STK10: variants seen among roughly 807,000 people sequenced by gnomAD.
The protein encoded by STK10 is serine/threonine kinase 10.
Under a neutral mutation model 113.8 loss-of-function variants are expected in STK10, and 78 were observed. That is an observed-to-expected ratio of 0.69 (90% CI 0.57 to 0.83). STK10 has a LOEUF of 0.83. STK10 is among the 40% of genes least tolerant of loss of function. STK10 has a pLI of 0.00. For missense variants in STK10, 1,109 were observed against 1,280.1 expected (o/e 0.87, Z 2.04); for synonymous variants, 465 against 494.7 (o/e 0.94, Z 0.80).
intron 12 of STK10, among the ~76,000 whole-genome samples, chr5:172,078,456 C>G (rs2113725258): frequency 6.6e-6 from 1 of 151,852 alleles, no homozygotes; most frequent in South Asian, 2.1e-4. Flanking sequence ...GAATTCAAGA[C>G]CAGCCTGGGC....
chr5:172,151,258 G>C (rs889758983), intron 2 of STK10, among the ~76,000 whole-genome samples: 5 of 152,198 alleles, frequency 3.3e-5, no homozygotes, highest in African/African-American at 1.2e-4. Context: ...AATTGGCTCT[G>C]GTCTCACAGT....
chr5:172,153,069 C>T (rs554071938), intron 2 of STK10, among the ~76,000 whole-genome samples: 124 of 152,102 alleles, frequency 8.2e-4, no homozygotes, highest in African/African-American at 3.0e-3. Context: ...GGCAGATCAC[C>T]TGAGGTCGGG....
intron 4 of STK10, among the ~76,000 whole-genome samples, chr5:172,112,581 C>T (rs1011809331): frequency 6.2e-5 from 9 of 146,312 alleles, no homozygotes; most frequent in South Asian, 2.1e-4. Flanking sequence ...CCACCATGCC[C>T]GGCTAATTTT....
Position 172,188,063 on chromosome 5 carries a change from C to A in STK10, c.-21G>T. ...GCCATGGCCGGGGGCGCGGTGGCGC[C>A]GGCTCGGGCTCGGGCTCGGGCTCGG... On this transcript the variant is annotated 5_prime_UTR_variant, in exon 1 of 19. Coordinates refer to ENST00000176763, the MANE Select transcript of STK10 (RefSeq NM_005990.4). This position sits in a 1 kb window ranked among gnomAD's most constrained non-coding sequence, Gnocchi z 5.6. 6.2e-7 allele frequency: 1 copy of A among 1,607,922 alleles called. No homozygotes were observed. Among genetic ancestry groups the A allele is most frequent in the Non-Finnish European group, 8.5e-7 (1 of 1,177,328 alleles).
At chr5:172,049,681 T>C (rs1417419321) in intron 18 of STK10, among the ~76,000 whole-genome samples, 1 of 152,220 alleles carries the variant, frequency 6.6e-6, no homozygotes, top group East Asian at 1.9e-4. Context: ...ATTGTTTTGA[T>C]ATTGGTGCTA....
chr5:172,082,612 T>C lies in STK10; in HGVS notation c.1810-107A>G, dbSNP rs1768458752. ...TCAGAGCTTGTGATCAGACCTAAGC[T>C]TGAATCCCAGCTCTACTACCCCGTT... On this transcript the variant is annotated intron_variant, in intron 11 of 18. Coordinates refer to ENST00000176763, the MANE Select transcript of STK10 (RefSeq NM_005990.4). This position sits in a 1 kb window ranked among gnomAD's most constrained non-coding sequence, Gnocchi z 4.3. 7.3e-7 allele frequency: 1 copy of C among 1,379,238 alleles called. No individual in the cohort carries two copies. Among genetic ancestry groups the C allele is most frequent in the Admixed American group, 2.7e-5 (1 of 37,168 alleles). The allele number at this position is 1,379,238 out of a possible 1,614,324, so 85.4% of individuals were successfully genotyped here.
chr5:172,123,709 G>A (rs1769562852), intron 3 of STK10, among the ~76,000 whole-genome samples: 1 of 152,158 alleles, frequency 6.6e-6, no homozygotes, highest in Non-Finnish European at 1.5e-5. Context: ...GCCATGTGGA[G>A]CTTTTCTGAA....
intron 17 of STK10, 70 bp downstream of exon 17, chr5:172,054,499 C>A: frequency 1.3e-6 from 2 of 1,574,774 alleles, no homozygotes; most frequent in Non-Finnish European, 1.7e-6. Context: ...TTTCTGGCCC[C>A]CTGAGATCTG....
intron 1 of STK10, among the ~76,000 whole-genome samples, chr5:172,177,046 C>T (rs1031467633): frequency 5.9e-5 from 9 of 152,222 alleles, no homozygotes; most frequent in Middle Eastern, 3.4e-3. Flanking sequence ...TGGTGGTGCA[C>T]GCCTGTGATC....
chr5:172,112,494 C>T (rs1040769509), intron 4 of STK10, among the ~76,000 whole-genome samples: 2 of 147,088 alleles, frequency 1.4e-5, no homozygotes, highest in Admixed American at 7.0e-5. Context: ...GATCTTCGCT[C>T]ACTGCAAGCT....
intron 3 of STK10, 102 bp from the exon 4 acceptor site, chr5:172,117,732 A>T: frequency 6.6e-7 from 1 of 1,506,094 alleles, no homozygotes; most frequent in Non-Finnish European, 8.9e-7. Flanking sequence ...CACCAACATT[A>T]GGCCAGGCGT....
chr5:172,166,354 C>T (rs577911562), intron 1 of STK10, among the ~76,000 whole-genome samples: 4 of 152,298 alleles, frequency 2.6e-5, no homozygotes, highest in African/African-American at 9.6e-5. Context: ...CGATAAATTC[C>T]CTTTTGGATT....
intron 2 of STK10, among the ~76,000 whole-genome samples, chr5:172,136,898 C>T (rs905298931): frequency 2.0e-5 from 3 of 151,594 alleles, no homozygotes; most frequent in African/African-American, 4.9e-5. Flanking sequence ...CATAGGTATA[C>T]ACATGCCATG....
chr5:172,106,606 C>A lies in STK10; in HGVS notation c.788+14G>T. ...GCAGGCACCCCGGCAGGTGGCCCTG[C>A]CCCTGCCCCTCACCACTTAGAGGGC... On this transcript the variant is annotated intron_variant, in intron 6 of 18. Coordinates refer to ENST00000176763, the MANE Select transcript of STK10 (RefSeq NM_005990.4). 2 of 1,608,658 alleles carry A rather than the reference C, an allele frequency of 1.2e-6. No homozygotes were observed. Among genetic ancestry groups the A allele is most frequent in the Non-Finnish European group, 1.7e-6 (2 of 1,177,996 alleles).
chr5:172,177,353 T>A (rs1425815819), intron 1 of STK10, among the ~76,000 whole-genome samples: 2 of 152,220 alleles, frequency 1.3e-5, no homozygotes, highest in Non-Finnish European at 2.9e-5. Flanking sequence ...ATGTTTATTG[T>A]TTGCAAGCCA....
intron 1 of STK10, among the ~76,000 whole-genome samples, chr5:172,172,977 C>CA (rs908476999): frequency 2.3e-4 from 34 of 147,114 alleles, no homozygotes; most frequent in African/African-American, 7.3e-4. Context: ...AAGACTCTGT[C>CA]AAAAAAAAGA....
At chr5:172,100,184 T>A (rs577132309) in intron 7 of STK10, among the ~76,000 whole-genome samples, 1 of 152,300 alleles carries the variant, frequency 6.6e-6, no homozygotes, top group East Asian at 1.9e-4. Flanking sequence ...ATTAGAGAGA[T>A]AACGCCCTGG....
chr5:172,118,010 C>CAAAAAAA (rs57672334), intron 3 of STK10, among the ~76,000 whole-genome samples: 2 of 69,826 alleles, frequency 2.9e-5, no homozygotes, highest in African/African-American at 4.7e-5. Context: ...TACTCCATCT[C>CAAAAAAA]AAAAAAAAAA....
intron 1 of STK10, among the ~76,000 whole-genome samples, chr5:172,174,682 G>A (rs1434801500): frequency 6.6e-6 from 1 of 152,180 alleles, no homozygotes; most frequent in Non-Finnish European, 1.5e-5. Flanking sequence ...AGGGAGCGGT[G>A]GTCGGGACAG....
Sources: gnomAD v4.1 joint callset for allele counts (sites outside exome capture counted in the v4.1 genomes callset) on GRCh38, gnomAD v4.1.1 for gene constraint, Gnocchi (gnomAD v3.1) non-coding constraint, MANE v1.5 for transcripts, NCBI Gene and HGNC (gene_info 2026-07-23, HGNC 2026-07-21) for gene names.